Variants in LRRC28 observed in about 807,000 individuals in gnomAD.
LRRC28 encodes leucine rich repeat containing 28, also known as leucine-rich repeat-containing protein 28.
In LRRC28, 39 loss-of-function variants were observed where a neutral mutation model predicts 45.7. The observed-to-expected ratio is 0.85, with a 90% CI of 0.66 to 1.12. LRRC28 has a LOEUF of 1.12. LRRC28 is among the 50% of genes most tolerant of loss of function. LRRC28 has a pLI of 0.00. For missense variants in LRRC28, 435 were observed against 438.5 expected (o/e 0.99, Z 0.07); for synonymous variants, 206 against 178.8 (o/e 1.15, Z -1.22).
At chr15:99,305,308 A>G (rs907155148) in intron 5 of LRRC28, among the ~76,000 whole-genome samples, 3 of 152,216 alleles carry the variant, frequency 2.0e-5, no homozygotes, top group African/African-American at 7.2e-5. Context: ...CATGGTTGAC[A>G]AGTCTTTCAG....
At chr15:99,269,537 G>A (rs757433838) in intron 2 of LRRC28, among the ~76,000 whole-genome samples, 40 of 151,982 alleles carry the variant, frequency 2.6e-4, no homozygotes, top group Non-Finnish European at 5.3e-4. Flanking sequence ...CCGAGTAGCT[G>A]GGATTACAGG....
chr15:99,280,450 A>G (rs1478807724), intron 3 of LRRC28, among the ~76,000 whole-genome samples: 1 of 128,424 alleles, frequency 7.8e-6, no homozygotes, highest in Non-Finnish European at 1.6e-5. Flanking sequence ...TTTATCACCT[A>G]TATTTTTAAA....
intron 5 of LRRC28, among the ~76,000 whole-genome samples, chr15:99,304,591 C>A (rs982096253): frequency 6.6e-6 from 1 of 151,698 alleles, no homozygotes; most frequent in African/African-American, 2.4e-5. Flanking sequence ...CCAACACGCC[C>A]GGCTCATTTA....
intron 6 of LRRC28, among the ~76,000 whole-genome samples, chr15:99,347,240 C>T (rs1956714785): frequency 6.6e-6 from 1 of 150,980 alleles, no homozygotes; most frequent in East Asian, 2.0e-4. Flanking sequence ...GATGGAGTCT[C>T]CCTCTGTCAC....
chr15:99,342,948 T>G (rs369555534), intron 6 of LRRC28, among the ~76,000 whole-genome samples: 9 of 152,214 alleles, frequency 5.9e-5, no homozygotes, highest in Non-Finnish European at 8.8e-5. Context: ...ACTTAAAAAT[T>G]TATTACTCTG....
At chr15:99,329,087 A>G (rs1288682923) in intron 5 of LRRC28, among the ~76,000 whole-genome samples, 2 of 152,342 alleles carry the variant, frequency 1.3e-5, no homozygotes, top group Middle Eastern at 3.4e-3. Context: ...GAAGCCAAGT[A>G]TCATTCCTTC....
At chr15:99,276,736 G>A (rs2152175956) in intron 3 of LRRC28, 120 bp downstream of exon 3, 2 of 692,578 alleles carry the variant, frequency 2.9e-6, no homozygotes, top group Non-Finnish European at 4.5e-6. Flanking sequence ...CATGATCATG[G>A]TACTCATGTA....
At chr15:99,258,202 G>A (rs911748690) in intron 2 of LRRC28, 2 of 1,611,462 alleles carry the variant, frequency 1.2e-6, no homozygotes, top group African/African-American at 2.7e-5. Context: ...TGATTGGCCA[G>A]TTTGGTGTCA....
At chr15:99,304,536 T>C (rs1955109259) in intron 5 of LRRC28, among the ~76,000 whole-genome samples, 2 of 152,162 alleles carry the variant, frequency 1.3e-5, no homozygotes, top group Admixed American at 6.5e-5. Flanking sequence ...GTTAAAGTGA[T>C]TCTTGTGCCT....
intron 6 of LRRC28, among the ~76,000 whole-genome samples, chr15:99,350,029 G>A (rs12440627): frequency 0.097 from 14,671 of 151,322 alleles, 949 homozygotes; most frequent in East Asian, 0.35. Context: ...CCAGCTACTC[G>A]GGAGGCTGAG....
rs747700282 is a variant in LRRC28, at chr15:99,293,593, C to CCAAAAAAAAAAAAAAAAA, written c.385+5642_385+5643insCAAAAAAAAAAAAAAAAA. 1.6e-3 allele frequency among the ~76,000 whole-genome samples: 72 copies of CCAAAAAAAAAAAAAAAAA among 44,078 alleles called. 5 individuals are homozygous for CCAAAAAAAAAAAAAAAAA. The highest frequency in any genetic ancestry group is 2.4e-3 in the Non-Finnish European group (55 of 22,730). The allele number at this position is 44,078 out of a possible 152,430, so 28.9% of individuals were successfully genotyped here. On this transcript the variant is annotated intron_variant, in intron 5 of 9. Transcript: ENST00000301981. ...GGGCAACAAGAACGAAACTCTGTCA[C>CCAAAAAAAAAAAAAAAAA]AAAAAAAAAAAAAAAAAAAAAAAAA...
At chr15:99,276,757 T>A in intron 3 of LRRC28, 141 bp downstream of exon 3, 2 of 525,612 alleles carry the variant, frequency 3.8e-6, no homozygotes, top group Non-Finnish European at 6.4e-6. Flanking sequence ...GGTAGACCTG[T>A]GGTTCTACTA....
chr15:99,332,416 A>C (rs1011572732), intron 5 of LRRC28, among the ~76,000 whole-genome samples: 2 of 152,230 alleles, frequency 1.3e-5, no homozygotes, highest in African/African-American at 4.8e-5. Context: ...ATTCGTAAAT[A>C]TTAGAAAAAT....
chr15:99,388,716 A>G lies in LRRC28; in HGVS notation c.*2614A>G, dbSNP rs1428375079. ...ATTATATATGTTGTTTTCTTGAGCA[A>G]CAGTTACACTAGGTAGAAAAGTATT... On this transcript the variant is annotated 3_prime_UTR_variant, in exon 10 of 10. Transcript: ENST00000301981. The G allele has an allele frequency of 6.6e-6, 1 of 152,258 alleles. No individual in the cohort carries two copies. Among genetic ancestry groups the G allele is most frequent in the Admixed American group, 6.5e-5 (1 of 15,282 alleles). 9.4% of individuals were successfully genotyped at this position (152,258 alleles called of 1,614,324 possible).
chr15:99,291,788 G>A (rs550609782), intron 5 of LRRC28, among the ~76,000 whole-genome samples: 1 of 152,182 alleles, frequency 6.6e-6, no homozygotes, highest in Non-Finnish European at 1.5e-5. Context: ...ACACTGTTCT[G>A]TCAGCAATAT....
At position 99,255,999 on chromosome 15, in the gene LRRC28, A is replaced by G. The variant is rs2081007876; in HGVS notation, c.42A>G (p.Leu14=). The part of the protein sequence containing the change: ...ELCKTISVAR[L]EKHKNLFLNY... ...GTAAGACGATCTCTGTGGCAAGGCT[A>G]GAAAAGCACAAGAATTTGTTCTTAA... Residue 14 remains leucine, a synonymous_variant, in exon 2 of 10, where the codon CTA becomes CTG. Coordinates refer to ENST00000301981, the MANE Select transcript of LRRC28 (RefSeq NM_144598.5). 13 of 1,613,080 alleles carry G rather than the reference A, an allele frequency of 8.1e-6. No homozygotes were observed. Among genetic ancestry groups the G allele is most frequent in the Non-Finnish European group, 1.0e-5 (12 of 1,180,014 alleles).
rs144217679 is a variant in LRRC28 at position 99,352,466 on chromosome 15, C to T, written c.690C>T (p.Cys230=). 99 of 1,610,656 alleles carry T rather than the reference C, an allele frequency of 6.1e-5. No homozygotes were observed. Among genetic ancestry groups the T allele is most frequent in the Non-Finnish European group, 7.6e-5 (89 of 1,178,246 alleles). The change falls in exon 7 of 10, where the codon TGC becomes TGT. Residue 230 remains cysteine (C), a synonymous_variant. Coordinates refer to ENST00000301981, the MANE Select transcript of LRRC28 (RefSeq NM_144598.5). Reference sequence around the variant, plus strand: ...ATCTGTACAATAAAGTCATCGGGTGCAGTGGGTAAGGCCGATTTCACATTT... The same window carrying T: ...ATCTGTACAATAAAGTCATCGGGTGTAGTGGGTAAGGCCGATTTCACATTT... ...PSYLYNKVIG[C]SGCGAPIQVS...
chr15:99,259,205 A>G, intron 2 of LRRC28: 2 of 1,098,318 alleles, frequency 1.8e-6, no homozygotes, highest in Non-Finnish European at 2.8e-6. Context: ...TGTTGAAAGA[A>G]TGAAGGAAAA....
intron 9 of LRRC28, 38 bp downstream of exon 9, chr15:99,363,303 G>C: frequency 6.2e-7 from 1 of 1,605,244 alleles, no homozygotes. Flanking sequence ...TTTACACCCA[G>C]GCAAGGGGTG....
Sources: allele counts gnomAD v4.1 joint callset (sites outside exome capture counted in the v4.1 genomes callset), GRCh38; gene constraint gnomAD v4.1.1; transcripts MANE v1.5; gene names NCBI Gene and HGNC (gene_info 2026-07-23, HGNC 2026-07-21).